The following AKAP19 variants were observed in gnomAD, a reference collection of about 807,000 sequenced individuals.
AKAP19 encodes the protein small A-kinase anchoring protein.
the AKAP19 span, chr2:190,200,727 C>CCTAA: frequency 4.7e-5 from 8 of 168,490 alleles, no homozygotes; most frequent in African/African-American, 1.7e-4. Context: ...ACCTCAGGGC[C>CCTAA]CTAACTAATT....
chr2:189,993,705 C>T, the AKAP19 span, among the ~76,000 whole-genome samples: 4 of 151,878 alleles, frequency 2.6e-5, no homozygotes, highest in East Asian at 7.7e-4. Flanking sequence ...TTTGTCTGTT[C>T]AGTTTCTATT....
chr2:189,891,878 G>A, the AKAP19 span, among the ~76,000 whole-genome samples: 1 of 152,050 alleles, frequency 6.6e-6, no homozygotes, highest in Admixed American at 6.6e-5. Context: ...CTGATCAAAT[G>A]TAGATTTGGT....
chr2:190,048,580 T>G, the AKAP19 span, among the ~76,000 whole-genome samples: 1 of 152,154 alleles, frequency 6.6e-6, no homozygotes, highest in East Asian at 1.9e-4. Context: ...CTAGTATATA[T>G]CCATAATAAT....
the AKAP19 span, among the ~76,000 whole-genome samples, chr2:189,978,350 G>T: frequency 6.6e-6 from 1 of 152,104 alleles, no homozygotes; most frequent in Non-Finnish European, 1.5e-5. Context: ...GCTGGGCATG[G>T]TGGCTCATGC....
At chr2:189,909,572 A>G in the AKAP19 span, among the ~76,000 whole-genome samples, 1 of 151,998 alleles carries the variant, frequency 6.6e-6, no homozygotes, top group Non-Finnish European at 1.5e-5. Flanking sequence ...AACGTGTTAT[A>G]TTTATAATAG....
chr2:190,074,203 A>G, the AKAP19 span, among the ~76,000 whole-genome samples: 1 of 152,184 alleles, frequency 6.6e-6, no homozygotes. Flanking sequence ...GTACTTTCCA[A>G]TTCAAACATC....
the AKAP19 span, among the ~76,000 whole-genome samples, chr2:189,888,366 G>A: frequency 1.3e-5 from 2 of 152,176 alleles, no homozygotes; most frequent in African/African-American, 4.8e-5. Context: ...TTGTAGTATA[G>A]TTTGAAGTCA....
At chr2:190,198,516 C>T in the AKAP19 span, among the ~76,000 whole-genome samples, 1 of 151,174 alleles carries the variant, frequency 6.6e-6, no homozygotes, top group Non-Finnish European at 1.5e-5. Context: ...GCCTGCAGGC[C>T]AGCTACTCAG....
At chr2:190,104,322 A>C in the AKAP19 span, among the ~76,000 whole-genome samples, 1 of 152,192 alleles carries the variant, frequency 6.6e-6, no homozygotes, top group South Asian at 2.1e-4. Context: ...CAACAAAACC[A>C]AAAATTGACA....
the AKAP19 span, among the ~76,000 whole-genome samples, chr2:190,126,311 A>AAAAAAAAAAAAAAAAAAAAC: frequency 7.4e-6 from 1 of 135,604 alleles, no homozygotes; most frequent in Admixed American, 7.2e-5. Context: ...AAAAAAAAAA[A>AAAAAAAAAAAAAAAAAAAAC]AAAAAAAAAA....
At chr2:190,158,277 C>T in the AKAP19 span, among the ~76,000 whole-genome samples, 1 of 152,156 alleles carries the variant, frequency 6.6e-6, no homozygotes, top group African/African-American at 2.4e-5. Flanking sequence ...CTTCCTTATA[C>T]AACTCAGTGT....
At chr2:190,094,074 G>T in the AKAP19 span, among the ~76,000 whole-genome samples, 2 of 152,208 alleles carry the variant, frequency 1.3e-5, no homozygotes, top group Non-Finnish European at 2.9e-5. Flanking sequence ...CCTCTCCACA[G>T]CGACAGAGTA....
chr2:190,139,321 A>C, the AKAP19 span, among the ~76,000 whole-genome samples: 47 of 152,320 alleles, frequency 3.1e-4, 1 homozygote, highest in South Asian at 9.8e-3. Flanking sequence ...GCAGCTTGGC[A>C]CTTTCTAGAG....
the AKAP19 span, among the ~76,000 whole-genome samples, chr2:190,040,170 A>G: frequency 4.6e-5 from 7 of 152,054 alleles, no homozygotes; most frequent in African/African-American, 1.7e-4. Flanking sequence ...TTTCTCCACA[A>G]CCTTGCCAGC....
the AKAP19 span, among the ~76,000 whole-genome samples, chr2:189,956,460 C>T: frequency 6.6e-6 from 1 of 152,158 alleles, no homozygotes; most frequent in Admixed American, 6.5e-5. Context: ...TGAGCCACCG[C>T]ACCCGGCCTA....
chr2:190,084,232 A>G, the AKAP19 span, among the ~76,000 whole-genome samples: 1 of 151,806 alleles, frequency 6.6e-6, no homozygotes, highest in African/African-American at 2.4e-5. Flanking sequence ...ACCTGGGATT[A>G]CAGGCGCCCA....
At chr2:189,919,078 G>A in the AKAP19 span, among the ~76,000 whole-genome samples, 7 of 152,162 alleles carry the variant, frequency 4.6e-5, no homozygotes, top group South Asian at 4.1e-4. Flanking sequence ...ATAAAATCTC[G>A]AAAGACTATA....
At chr2:189,888,812 A>G in the AKAP19 span, among the ~76,000 whole-genome samples, 2 of 152,166 alleles carry the variant, frequency 1.3e-5, no homozygotes, top group Non-Finnish European at 2.9e-5. Context: ...ACTTTGCTGA[A>G]GTTGGTTGTC....
chr2:189,994,102 C>T, the AKAP19 span, among the ~76,000 whole-genome samples: 1 of 151,808 alleles, frequency 6.6e-6, no homozygotes, highest in Non-Finnish European at 1.5e-5. Context: ...CCTCCACCTC[C>T]TGGGTTCAAG....
Sources: allele counts gnomAD v4.1 joint callset (sites outside exome capture counted in the v4.1 genomes callset), GRCh38; gene constraint gnomAD v4.1.1; transcripts MANE v1.5; gene names NCBI Gene and HGNC (gene_info 2026-07-23, HGNC 2026-07-21).